Variants in NRXN1 observed in about 807,000 individuals in gnomAD.
NRXN1 encodes neurexin 1, also known as neurexin-1.
A neutral mutation model predicts 150.9 loss-of-function variants in NRXN1; 39 were observed. That is an observed-to-expected ratio of 0.26 (90% CI 0.20 to 0.34). NRXN1 has a LOEUF of 0.34. NRXN1 is among the 10% of genes least tolerant of loss of function. NRXN1 has a pLI of 1.00. For synonymous variants in NRXN1, 924 were observed against 757.0 expected (o/e 1.22, Z -3.62); for missense variants, 1,815 against 1,949.9 (o/e 0.93, Z 1.30).
intron 12 of NRXN1, among the ~76,000 whole-genome samples, chr2:50,527,305 C>A (rs907945171): frequency 6.6e-6 from 1 of 152,072 alleles, no homozygotes; most frequent in Non-Finnish European, 1.5e-5. Context: ...TGAAAGCAAA[C>A]TGGACCTGGT....
In NRXN1 at chr2:50,657,941, C is replaced by T. The variant is rs981195298; in HGVS notation, c.833-34326G>A. 1.8e-4 allele frequency among the ~76,000 whole-genome samples: 27 copies of T among 152,104 alleles called. No homozygotes were observed. The South Asian group carries it at 3.5e-3, about 20-fold the overall frequency. On this transcript the variant is annotated intron_variant, in intron 5 of 22. Transcript: ENST00000401669. The stretch of plus-strand genomic sequence containing the variant: ...GCTTCTATATAGTCACAATGAACTG[C>T]AGCCACATCTCCCAGAACAATAAAT...
intron 17 of NRXN1, among the ~76,000 whole-genome samples, chr2:50,440,991 C>A (rs377599656): frequency 2.6e-5 from 4 of 152,020 alleles, no homozygotes; most frequent in African/African-American, 9.7e-5. Context: ...GTAGCTTTTT[C>A]GATTAAAGAA....
intron 17 of NRXN1, among the ~76,000 whole-genome samples, chr2:50,446,592 TCCTC>T (rs937999784): frequency 1.2e-4 from 16 of 136,426 alleles, no homozygotes; most frequent in East Asian, 2.5e-4. Flanking sequence ...CTTCCTTCCT[TCCTC>T]CCTCCCTCCC....
chr2:51,012,024 T>C (rs1667955005), intron 2 of NRXN1, among the ~76,000 whole-genome samples: 2 of 152,026 alleles, frequency 1.3e-5, no homozygotes, highest in Admixed American at 6.6e-5. Context: ...TTCATCTCTG[T>C]GGCAGCATTT....
At chr2:49,984,887 T>C (rs914380877) in intron 21 of NRXN1, among the ~76,000 whole-genome samples, 2 of 152,210 alleles carry the variant, frequency 1.3e-5, no homozygotes, top group Admixed American at 1.3e-4. Context: ...TTTTGTTTCT[T>C]ATTTGGTGAC....
intron 8 of NRXN1, among the ~76,000 whole-genome samples, chr2:50,572,741 CA>C (rs1670844432): frequency 6.6e-6 from 1 of 152,084 alleles, no homozygotes; most frequent in Admixed American, 6.6e-5. Flanking sequence ...ACGAAAAGGC[CA>C]GAGAATTAGA....
At chr2:50,681,822 A>G (rs1038606896) in intron 5 of NRXN1, among the ~76,000 whole-genome samples, 1 of 152,174 alleles carries the variant, frequency 6.6e-6, no homozygotes, top group African/African-American at 2.4e-5. Flanking sequence ...TACAAATTTG[A>G]CTTATTAGAT....
chr2:50,822,231 A>G (rs1436460164), intron 5 of NRXN1, among the ~76,000 whole-genome samples: 2 of 152,174 alleles, frequency 1.3e-5, no homozygotes, highest in South Asian at 2.1e-4. Context: ...TCATTTTAAA[A>G]TAAATATAGC....
chr2:50,604,535 T>G (rs541116261), intron 8 of NRXN1, among the ~76,000 whole-genome samples: 2 of 152,310 alleles, frequency 1.3e-5, no homozygotes, highest in Admixed American at 6.5e-5. Flanking sequence ...ATTCCAGATA[T>G]ACCCTAAACA....
At chr2:50,080,453 T>C (rs993511618) in intron 19 of NRXN1, among the ~76,000 whole-genome samples, 2 of 152,150 alleles carry the variant, frequency 1.3e-5, no homozygotes, top group African/African-American at 2.4e-5. Flanking sequence ...AGGGGGATTA[T>C]TGTACTTTCC....
chr2:50,831,882 A>G (rs1238674666), intron 5 of NRXN1, among the ~76,000 whole-genome samples: 1 of 152,182 alleles, frequency 6.6e-6, no homozygotes, highest in African/African-American at 2.4e-5. Flanking sequence ...TGTTTTGTGC[A>G]CAGATGCACA....
At chr2:50,887,189 T>C (rs1367792586) in intron 5 of NRXN1, among the ~76,000 whole-genome samples, 1 of 151,478 alleles carries the variant, frequency 6.6e-6, no homozygotes, top group Non-Finnish European at 1.5e-5. Flanking sequence ...GTTAGACTGT[T>C]CTCCATTTCT....
At chr2:50,517,006 G>C (rs1446047215) in intron 12 of NRXN1, among the ~76,000 whole-genome samples, 1 of 152,038 alleles carries the variant, frequency 6.6e-6, no homozygotes, top group Admixed American at 6.6e-5. Flanking sequence ...TTTATTTTTT[G>C]ACCCACACAG....
intron 10 of NRXN1, among the ~76,000 whole-genome samples, chr2:50,535,718 C>T (rs2093240302): frequency 6.6e-6 from 1 of 152,112 alleles, no homozygotes; most frequent in Non-Finnish European, 1.5e-5. Context: ...AAACAAAATA[C>T]TCTCTTCTTG....
At chr2:50,720,317 C>T (rs1442342040) in intron 5 of NRXN1, among the ~76,000 whole-genome samples, 1 of 152,092 alleles carries the variant, frequency 6.6e-6, no homozygotes, top group Admixed American at 6.5e-5. Flanking sequence ...ATGTCTCTTT[C>T]AGGGTACCTC....
intron 17 of NRXN1, among the ~76,000 whole-genome samples, chr2:50,309,494 G>C (rs1302120446): frequency 6.6e-6 from 1 of 152,166 alleles, no homozygotes; most frequent in Admixed American, 6.6e-5. Flanking sequence ...TGCCGTTTGT[G>C]AGGAAAATAA....
intron 5 of NRXN1, among the ~76,000 whole-genome samples, chr2:50,777,440 C>T (rs1446582603): frequency 6.6e-6 from 1 of 152,110 alleles, no homozygotes. Context: ...GAAACGCTTA[C>T]AGGTTGAAAC....
chr2:50,378,266 T>C (rs1671234241), intron 17 of NRXN1, among the ~76,000 whole-genome samples: 1 of 152,172 alleles, frequency 6.6e-6, no homozygotes, highest in Admixed American at 6.5e-5. Flanking sequence ...GAATTTACAA[T>C]AAGTAGATGC....
At chr2:50,304,161 T>C (rs530706995) in intron 17 of NRXN1, among the ~76,000 whole-genome samples, 91 of 152,296 alleles carry the variant, frequency 6.0e-4, no homozygotes, top group African/African-American at 2.1e-3. Flanking sequence ...AACTAAAATA[T>C]GTATTCTTTT....
Sources: allele counts gnomAD v4.1 joint callset (sites outside exome capture counted in the v4.1 genomes callset), GRCh38; gene constraint gnomAD v4.1.1; transcripts MANE v1.5; gene names NCBI Gene and HGNC (gene_info 2026-07-23, HGNC 2026-07-21).